The following VSTM5 variants were observed in gnomAD, a reference collection of about 807,000 sequenced individuals.
The protein encoded by VSTM5 is V-set and transmembrane domain-containing protein 5.
In VSTM5, 21 loss-of-function variants were observed where a neutral mutation model predicts 20.3. The observed-to-expected ratio is 1.03, with a 90% CI of 0.73 to 1.49. The LOEUF is 1.49. Ranked by LOEUF, VSTM5 falls within the 40% of genes most tolerant of loss-of-function variation. VSTM5 has a pLI of 0.00. For missense variants in VSTM5, 219 were observed against 250.0 expected, an observed-to-expected ratio of 0.88 and a Z score of 0.84; for synonymous variants, 100 against 102.5, an observed-to-expected ratio of 0.98 and a Z score of 0.14.
At chr11:93,842,957 G>A (rs181300957) in intron 1 of VSTM5, among the ~76,000 whole-genome samples, 79 of 152,114 alleles carry the variant, frequency 5.2e-4, no homozygotes, top group African/African-American at 1.9e-3. Flanking sequence ...TGGGTGTGGT[G>A]GTGCACACCT....
chr11:93,848,516 C>T (rs567689045), intron 1 of VSTM5, among the ~76,000 whole-genome samples: 3 of 152,330 alleles, frequency 2.0e-5, no homozygotes, highest in African/African-American at 7.2e-5. Context: ...CCTGCATTCC[C>T]TTTGTCCTGT....
In VSTM5 at chr11:93,820,752, T is replaced by G; in HGVS notation, c.550A>C (p.Lys184Gln). The G allele has an allele frequency of 6.4e-7, 1 of 1,551,726 alleles. No homozygotes were observed. The highest frequency in any genetic ancestry group is 8.7e-7 in the Non-Finnish European group (1 of 1,147,002). The change falls in exon 3 of 4, where the codon AAA becomes CAA. Residue 184 changes from lysine to glutamine, a missense_variant. Lys to Gln is a moderately conservative substitution (Grantham distance 53, BLOSUM62 1). Transcript: ENST00000409977. ...AYKFQRKRRH[K>Q]LKESTTEEIE... ...AGGCCCAGGGGGTTACCTTTGAGTT[T>G]GTGTCTTCTCTTCCTCTGAAATTTA...
At chr11:93,823,424 A>C (rs1425566878) in intron 1 of VSTM5, among the ~76,000 whole-genome samples, 1 of 152,146 alleles carries the variant, frequency 6.6e-6, no homozygotes. Context: ...CGTAATGATG[A>C]TCACGATTAA....
At chr11:93,821,356 A>G (rs760257761) in intron 1 of VSTM5, 33 bp from the exon 2 acceptor site, 36 of 1,519,038 alleles carry the variant, frequency 2.4e-5, no homozygotes, top group East Asian at 1.2e-4. Context: ...TTGGGCACAT[A>G]TATATGGCTT....
intron 1 of VSTM5, among the ~76,000 whole-genome samples, chr11:93,823,144 T>C (rs1944203808): frequency 2.6e-5 from 4 of 151,996 alleles, no homozygotes; most frequent in Non-Finnish European, 4.4e-5. Context: ...GGAAACTGGC[T>C]GACTGGTTCT....
chr11:93,833,933 A>G (rs574189248), intron 1 of VSTM5, among the ~76,000 whole-genome samples: 2 of 152,000 alleles, frequency 1.3e-5, no homozygotes, highest in East Asian at 3.9e-4. Flanking sequence ...TGGCCTCATC[A>G]GTCCTTCCAC....
chr11:93,845,948 G>T (rs1944407938), intron 1 of VSTM5, among the ~76,000 whole-genome samples: 1 of 152,234 alleles, frequency 6.6e-6, no homozygotes. Context: ...ACTGGCAGAA[G>T]CAACACACAT....
chr11:93,840,401 A>T (rs1020147168), intron 1 of VSTM5, among the ~76,000 whole-genome samples: 4 of 152,200 alleles, frequency 2.6e-5, no homozygotes, highest in African/African-American at 4.8e-5. Flanking sequence ...ATTGATAACC[A>T]CTGAGCTAAT....
chr11:93,826,084 C>CA (rs1944232344), intron 1 of VSTM5, among the ~76,000 whole-genome samples: 1 of 151,820 alleles, frequency 6.6e-6, no homozygotes, highest in Non-Finnish European at 1.5e-5. Flanking sequence ...CTACAGAAAG[C>CA]AAAAAACTAG....
At chr11:93,824,246 C>T (rs767770082) in intron 1 of VSTM5, among the ~76,000 whole-genome samples, 1 of 152,246 alleles carries the variant, frequency 6.6e-6, no homozygotes, top group African/African-American at 2.4e-5. Context: ...AATCTCCATA[C>T]TTTTTTCATA....
intron 1 of VSTM5, among the ~76,000 whole-genome samples, chr11:93,829,538 G>GA (rs1263080096): frequency 6.6e-6 from 1 of 151,898 alleles, no homozygotes; most frequent in Non-Finnish European, 1.5e-5. Context: ...CAAGAAAAAA[G>GA]AAAAAAAGAA....
At chr11:93,825,935 T>TAA (rs574926559) in intron 1 of VSTM5, among the ~76,000 whole-genome samples, 97 of 147,692 alleles carry the variant, frequency 6.6e-4, no homozygotes, top group African/African-American at 2.3e-3. Flanking sequence ...AGAGTTGATT[T>TAA]TAAAAAAAAA....
intron 1 of VSTM5, among the ~76,000 whole-genome samples, chr11:93,837,374 A>T (rs1029325108): frequency 6.6e-6 from 1 of 152,044 alleles, no homozygotes; most frequent in African/African-American, 2.4e-5. Flanking sequence ...TCCCTGTATC[A>T]CACACATGCA....
Position 93,845,059 on chromosome 11 carries a change from A to G in VSTM5, c.91+5353T>C, listed in dbSNP as rs762955861. Among the ~76,000 whole-genome samples, 25 of 152,148 alleles carry G rather than the reference A, an allele frequency of 1.6e-4. 6 individuals carry two copies. The highest frequency in any genetic ancestry group is 3.7e-4 in the Non-Finnish European group (25 of 68,014). ...GAACAGCAGGAGGGAGATGTGCTGA[A>G]CCAGCTGTTTCCATAGGATCAGACT... is the stretch of plus-strand genomic sequence containing the variant. On this transcript the variant is annotated intron_variant, in intron 1 of 3. Coordinates refer to ENST00000409977, the MANE Select transcript of VSTM5 (RefSeq NM_001144871.2).
rs922094994 is a variant in VSTM5, at chr11:93,821,065, T to G, written c.350A>C (p.Tyr117Ser). ...GCGCTCCGTCACGGTGATGACATAG[T>G]AGCCGGAATCCCTCACTCCCACGCT... is the stretch of plus-strand genomic sequence containing the variant. ...LFSVGVRDSGYYVITVTERLG... is the reference protein window; with the variant it reads ...LFSVGVRDSGSYVITVTERLG... Residue 117 changes from tyrosine to serine, a missense_variant, in exon 2 of 4, where the codon TAC becomes TCC. Transcript: ENST00000409977. 6.4e-7 allele frequency: 1 copy of G among 1,551,736 alleles called. No individual in the cohort carries two copies. The highest frequency in any genetic ancestry group is 8.7e-7 in the Non-Finnish European group (1 of 1,146,992).
In VSTM5 at chr11:93,819,434, G is replaced by T. The variant is rs1335129791; in HGVS notation, c.*1135C>A. 6.6e-6 allele frequency: 1 copy of T among 152,274 alleles called. No homozygotes were observed. The highest frequency in any genetic ancestry group is 1.5e-5 in the Non-Finnish European group (1 of 68,072). 9.4% of individuals were successfully genotyped at this position (152,274 alleles called of 1,614,324 possible). ...GGTCCAGTCCCCAATCTCACCTGGA[G>T]CCCCAAGACCTCAGAGGATTTTATC... On this transcript the variant is annotated 3_prime_UTR_variant, in exon 4 of 4. Transcript: ENST00000409977.
At chr11:93,828,107 C>G (rs1223631168) in intron 1 of VSTM5, among the ~76,000 whole-genome samples, 1 of 152,186 alleles carries the variant, frequency 6.6e-6, no homozygotes, top group East Asian at 1.9e-4. Flanking sequence ...ACTATGCAAT[C>G]TTGGCCAGCA....
At chr11:93,839,798 G>A (rs1488606864) in intron 1 of VSTM5, among the ~76,000 whole-genome samples, 1 of 152,122 alleles carries the variant, frequency 6.6e-6, no homozygotes, top group African/African-American at 2.4e-5. Flanking sequence ...ATATGTTGAC[G>A]TCCTAACCAG....
At chr11:93,842,107 G>T (rs1016862635) in intron 1 of VSTM5, among the ~76,000 whole-genome samples, 3 of 152,210 alleles carry the variant, frequency 2.0e-5, no homozygotes, top group Admixed American at 2.0e-4. Flanking sequence ...GAGCTTATCA[G>T]TCTCTAACAC....
Sources: gnomAD v4.1 joint callset for allele counts (sites outside exome capture counted in the v4.1 genomes callset) on GRCh38, gnomAD v4.1.1 for gene constraint, MANE v1.5 for transcripts, NCBI Gene and HGNC (gene_info 2026-07-23, HGNC 2026-07-21) for gene names.